The following TENM2 variants were observed in gnomAD, a reference collection of about 807,000 sequenced individuals.
The protein encoded by TENM2 is teneurin-2.
A neutral mutation model predicts 245.2 loss-of-function variants in TENM2; 52 were observed. The observed-to-expected ratio is 0.21, with a 90% CI of 0.17 to 0.27. TENM2 has a LOEUF of 0.27. Ranked by LOEUF, TENM2 falls within the 10% of genes least tolerant of loss-of-function variation. TENM2 has a pLI of 1.00. For synonymous variants in TENM2, 1,363 were observed against 1,438.9 expected (o/e 0.95, Z 1.19); for missense variants, 3,046 against 3,666.8 (o/e 0.83, Z 4.37).
At chr5:167,579,542 G>T (rs550962498) in intron 2 of TENM2, among the ~76,000 whole-genome samples, 1 of 152,288 alleles carries the variant, frequency 6.6e-6, no homozygotes, top group Admixed American at 6.5e-5. Context: ...TCTTCTGACG[G>T]TTCGACAGTC....
At chr5:167,595,215 G>A (rs775813339) in intron 2 of TENM2, among the ~76,000 whole-genome samples, 1 of 152,114 alleles carries the variant, frequency 6.6e-6, no homozygotes, top group Non-Finnish European at 1.5e-5. Flanking sequence ...CAGGGAAAGA[G>A]ACAATCAGAA....
chr5:167,200,043 C>T, the TENM2 span, among the ~76,000 whole-genome samples: 1 of 152,004 alleles, frequency 6.6e-6, no homozygotes, highest in East Asian at 1.9e-4. Flanking sequence ...ACATCAAGTC[C>T]CATTTTCCAC....
chr5:167,408,506 G>A (rs1403653442), intron 2 of TENM2, among the ~76,000 whole-genome samples: 1 of 151,998 alleles, frequency 6.6e-6, no homozygotes, highest in Admixed American at 6.6e-5. Flanking sequence ...TTCTTGACAT[G>A]TTACTCTTTA....
At chr5:167,631,954 C>T (rs577160029) in intron 2 of TENM2, among the ~76,000 whole-genome samples, 21 of 152,198 alleles carry the variant, frequency 1.4e-4, no homozygotes, top group Non-Finnish European at 1.9e-4. Flanking sequence ...CAGTTTTGGT[C>T]GCTGTTATTC....
the TENM2 span, among the ~76,000 whole-genome samples, chr5:167,058,615 G>A: frequency 1.3e-5 from 2 of 152,090 alleles, no homozygotes; most frequent in South Asian, 4.1e-4. Flanking sequence ...GCCAGGTGTG[G>A]TGGTGCATGC....
intron 2 of TENM2, among the ~76,000 whole-genome samples, chr5:167,866,579 T>G (rs1772345728): frequency 6.6e-6 from 1 of 151,906 alleles, no homozygotes; most frequent in Non-Finnish European, 1.5e-5. Flanking sequence ...AGAGAATGAT[T>G]CATATTCAAA....
the TENM2 span, among the ~76,000 whole-genome samples, chr5:167,039,333 T>C: frequency 2.2e-3 from 336 of 152,250 alleles, no homozygotes; most frequent in African/African-American, 7.6e-3. Flanking sequence ...CCTCAGGATT[T>C]CTTGCAGTGA....
At chr5:168,146,417 C>G (rs996654705) in intron 12 of TENM2, among the ~76,000 whole-genome samples, 1 of 152,076 alleles carries the variant, frequency 6.6e-6, no homozygotes, top group African/African-American at 2.4e-5. Context: ...CAGAAGTGGC[C>G]TCAAGCATCC....
intron 2 of TENM2, among the ~76,000 whole-genome samples, chr5:167,472,312 T>C (rs926878004): frequency 1.3e-5 from 2 of 152,212 alleles, no homozygotes; most frequent in African/African-American, 4.8e-5. Flanking sequence ...ATACCCATTA[T>C]TGGAAATTAT....
At chr5:167,268,102 T>C in the TENM2 span, among the ~76,000 whole-genome samples, 2 of 149,996 alleles carry the variant, frequency 1.3e-5, no homozygotes, top group African/African-American at 4.9e-5. Context: ...ATTTGATAAA[T>C]GAAATATCTT....
intron 3 of TENM2, among the ~76,000 whole-genome samples, chr5:167,894,921 A>AGAAGGAAGGAAGGAAGGAAGGAAGGAAG (rs368233260): frequency 1.2e-4 from 10 of 82,958 alleles, no homozygotes; most frequent in Admixed American, 1.2e-3. Context: ...CACCCTGGAA[A>AGAAGGAAGGAAGGAAGGAAGGAAGGAAG]GAAGGAAGGA....
rs545458176 is a variant in TENM2 at position 168,233,210 on chromosome 5, C to T, written c.5520+5080C>T. Among the ~76,000 whole-genome samples, 8 of 152,250 alleles carry T rather than the reference C, an allele frequency of 5.3e-5. No homozygotes were observed. In the South Asian group the frequency reaches 1.4e-3, roughly 28 times the overall value. ...GTGTGGTGGCGCATGCCTGTAATCCCAGCTACTCAGGAGGCTGAGGCAGGA... is the reference window on the plus strand; with the variant it reads ...GTGTGGTGGCGCATGCCTGTAATCCTAGCTACTCAGGAGGCTGAGGCAGGA... On this transcript the variant is annotated intron_variant, in intron 25 of 28. Coordinates refer to ENST00000518659, the Ensembl canonical transcript of TENM2.
intron 6 of TENM2, among the ~76,000 whole-genome samples, chr5:168,048,191 C>T (rs1214243607): frequency 8.2e-6 from 1 of 121,756 alleles, no homozygotes; most frequent in African/African-American, 3.3e-5. Context: ...AAGGTGCTAA[C>T]AAGGTGCTAA....
At chr5:168,070,798 AG>A (rs1470070398) in intron 7 of TENM2, among the ~76,000 whole-genome samples, 1 of 126,990 alleles carries the variant, frequency 7.9e-6, no homozygotes, top group African/African-American at 2.9e-5. Flanking sequence ...AAAGAAAGAG[AG>A]AGAGAGAGAG....
chr5:168,228,996 T>C (rs984293134), intron 25 of TENM2, among the ~76,000 whole-genome samples: 1 of 148,002 alleles, frequency 6.8e-6, no homozygotes, highest in African/African-American at 2.5e-5. Flanking sequence ...AATATACATA[T>C]ATAATACATT....
At chr5:167,124,990 T>C in the TENM2 span, among the ~76,000 whole-genome samples, 1 of 152,190 alleles carries the variant, frequency 6.6e-6, no homozygotes, top group Admixed American at 6.5e-5. Flanking sequence ...GAACTAGGTA[T>C]GTGTACAGCC....
At chr5:167,991,032 G>A (rs1337482990) in intron 4 of TENM2, among the ~76,000 whole-genome samples, 1 of 152,178 alleles carries the variant, frequency 6.6e-6, no homozygotes, top group African/African-American at 2.4e-5. Context: ...TGGAGCTTGA[G>A]CCCTAATGAC....
At chr5:167,067,445 C>T in the TENM2 span, among the ~76,000 whole-genome samples, 1 of 152,052 alleles carries the variant, frequency 6.6e-6, no homozygotes, top group African/African-American at 2.4e-5. Context: ...GCCATGCCAA[C>T]ATTTGACAGA....
chr5:167,306,229 T>G (rs1755667680), intron 1 of TENM2: 1 of 152,256 alleles, frequency 6.6e-6, no homozygotes, highest in African/African-American at 2.4e-5. Flanking sequence ...TGGAGCACAA[T>G]GAAAGCACGT....
Sources: allele counts gnomAD v4.1 joint callset (sites outside exome capture counted in the v4.1 genomes callset), GRCh38; gene constraint gnomAD v4.1.1; transcripts MANE v1.5; gene names NCBI Gene and HGNC (gene_info 2026-07-23, HGNC 2026-07-21).